The following MAGI1 variants were observed in gnomAD, a reference collection of about 807,000 sequenced individuals.
The protein encoded by MAGI1 is membrane associated guanylate kinase, WW and PDZ domain containing 1.
A neutral mutation model predicts 139.9 loss-of-function variants in MAGI1; 58 were observed. That is an observed-to-expected ratio of 0.41 (90% confidence interval 0.34 to 0.52). The LOEUF (loss-of-function observed/expected upper bound fraction) is 0.52. MAGI1 is among the 20% of genes least tolerant of loss of function. The probability of loss-of-function intolerance (pLI) is 0.12; values close to 1 mark genes in which losing one functional copy is unlikely to be tolerated. For missense variants in MAGI1, 1,874 were observed against 1,901.6 expected, an observed-to-expected ratio of 0.99 and a Z score of 0.27; for synonymous variants, 812 against 737.9, an observed-to-expected ratio of 1.10 and a Z score of -1.63.
intron 1 of MAGI1, among the ~76,000 whole-genome samples, chr3:66,019,038 T>C (rs2067825572): frequency 6.6e-6 from 1 of 152,226 alleles, no homozygotes; most frequent in Non-Finnish European, 1.5e-5. Context: ...CAAATGTTTA[T>C]GCTGCTCAGC....
chr3:65,658,831 A>G (rs1029210277), intron 1 of MAGI1, among the ~76,000 whole-genome samples: 4 of 152,198 alleles, frequency 2.6e-5, no homozygotes, highest in African/African-American at 9.6e-5. Flanking sequence ...AAAGCACAAT[A>G]TTGTGTCCAG....
chr3:65,688,199 A>C (rs2088234935), intron 1 of MAGI1: 1 of 771,216 alleles, frequency 1.3e-6, no homozygotes, highest in Non-Finnish European at 2.3e-6. Context: ...GAGTACACAC[A>C]GTCATGACCC....
chr3:65,479,901 C>G (rs1376144921), intron 3 of MAGI1, among the ~76,000 whole-genome samples: 1 of 151,988 alleles, frequency 6.6e-6, no homozygotes, highest in Non-Finnish European at 1.5e-5. Context: ...TATTCAGCGG[C>G]TACATAATAA....
In MAGI1 at chr3:65,448,031, T is replaced by G; in HGVS notation, c.1069A>C (p.Ser357Arg). 2 of 1,614,118 alleles carry G rather than the reference T, an allele frequency of 1.2e-6. No homozygotes were observed. The highest frequency in any genetic ancestry group is 2.2e-5 in the South Asian group (2 of 91,084). The part of the protein sequence containing the change: ...DEGVHTEELD[S>R]ELELPAGWEK... ...GGCAGGGAGGGTTTACCTAGTTCAC[T>G]GTCCAGCTCCTCGGTGTGTACCCCT... is the stretch of plus-strand genomic sequence containing the variant. The change falls in exon 7 of 23, where the codon AGT (serine) becomes CGT (arginine). Residue 357 changes from serine to arginine, a missense_variant. Physicochemically the swap from Ser to Arg is moderately radical, Grantham distance 110. Coordinates refer to ENST00000402939, the MANE Select transcript of MAGI1 (RefSeq NM_001033057.2).
intron 2 of MAGI1, among the ~76,000 whole-genome samples, chr3:65,554,096 G>A (rs2079976369): frequency 6.6e-6 from 1 of 152,024 alleles, no homozygotes; most frequent in Admixed American, 6.5e-5. Context: ...TTTAGGTATT[G>A]TAGGTAGATC....
At chr3:65,577,625 T>C (rs1221947633) in intron 2 of MAGI1, among the ~76,000 whole-genome samples, 1 of 152,146 alleles carries the variant, frequency 6.6e-6, no homozygotes, top group African/African-American at 2.4e-5. Flanking sequence ...AATATTCTAC[T>C]CTCACTAAAT....
At chr3:65,715,464 C>T (rs1019760066) in intron 1 of MAGI1, among the ~76,000 whole-genome samples, 1 of 152,128 alleles carries the variant, frequency 6.6e-6, no homozygotes, top group Non-Finnish European at 1.5e-5. Context: ...AAGCATACTG[C>T]TGGGAGTTTG....
At chr3:65,847,029 A>G (rs1481084327) in intron 1 of MAGI1, among the ~76,000 whole-genome samples, 1 of 150,574 alleles carries the variant, frequency 6.6e-6, no homozygotes, top group Non-Finnish European at 1.5e-5. Flanking sequence ...CAATTTTAGG[A>G]CAATTATTTC....
At chr3:65,605,656 G>A (rs1472189505) in intron 2 of MAGI1, among the ~76,000 whole-genome samples, 1 of 152,110 alleles carries the variant, frequency 6.6e-6, no homozygotes, top group African/African-American at 2.4e-5. Flanking sequence ...CAGCAGATAA[G>A]AGTTAATGAA....
chr3:65,672,539 T>G (rs2086926526), intron 1 of MAGI1, among the ~76,000 whole-genome samples: 1 of 152,162 alleles, frequency 6.6e-6, no homozygotes, highest in South Asian at 2.1e-4. Context: ...TGCCTGGGGT[T>G]GTTAAAGTAA....
chr3:65,979,094 C>CT lies in MAGI1; in HGVS notation c.313+58901_313+58902insA, dbSNP rs1203989785. On this transcript the variant is annotated intron_variant, in intron 1 of 22. Transcript: ENST00000402939. ...CAAAGTTTTTTTCTTTTCTTCCCCC[C>CT]CCCCGCCACCCCCCACAGCTACTCA... is the stretch of plus-strand genomic sequence containing the variant. 1.1e-3 allele frequency among the ~76,000 whole-genome samples: 56 copies of CT among 53,056 alleles called. 1 individual carries two copies. The highest frequency in any genetic ancestry group is 0.019 in the Middle Eastern group (2 of 104). The allele number at this position is 53,056 out of a possible 152,430, so 34.8% of individuals were successfully genotyped here.
rs1559874477 is a variant in MAGI1, at chr3:65,356,545, CG to C, written c.4221del (p.Glu1408SerfsTer27). ...KSTDRRRARS[P>X]ERRRERSLDK... The stretch of plus-strand genomic sequence containing the variant: ...TCCAGGGACCGCTCTCTCCTGCGCT[CG>C]GGGGAGCGTGCGCGCCTCCGGTCGG... On this transcript the variant is annotated frameshift_variant, in exon 23 of 23. Transcript: ENST00000402939. LOFTEE classifies it low-confidence loss of function (END_TRUNC). 1.9e-6 allele frequency: 3 copies of C among 1,609,388 alleles called. No individual in the cohort carries two copies.
intron 1 of MAGI1, among the ~76,000 whole-genome samples, chr3:65,681,427 G>A (rs977831280): frequency 1.3e-5 from 2 of 152,144 alleles, no homozygotes; most frequent in Non-Finnish European, 2.9e-5. Context: ...ATTTTAGAAC[G>A]TGAGTTATAT....
intron 1 of MAGI1, among the ~76,000 whole-genome samples, chr3:65,716,937 A>G (rs1177128520): frequency 6.6e-6 from 1 of 152,228 alleles, no homozygotes; most frequent in Non-Finnish European, 1.5e-5. Context: ...TGAATGTTGT[A>G]GGCAGAATAA....
At chr3:65,673,190 G>C (rs2086973040) in intron 1 of MAGI1, among the ~76,000 whole-genome samples, 1 of 152,032 alleles carries the variant, frequency 6.6e-6, no homozygotes, top group Admixed American at 6.5e-5. Flanking sequence ...TACTCTAAGT[G>C]GTGTAGTGCA....
Position 65,824,013 on chromosome 3 carries a change from G to GA in MAGI1, c.314-201926dup, listed in dbSNP as rs368932566. 2.7e-3 allele frequency among the ~76,000 whole-genome samples: 414 copies of GA among 152,284 alleles called. 1 individual carries two copies. The highest frequency in any genetic ancestry group is 9.3e-3 in the African/African-American group (388 of 41,570). On this transcript the variant is annotated intron_variant, in intron 1 of 22. Transcript: ENST00000402939. ...TCTGTGTCCTCACTGATAAAATGAA[G>GA]AATCTTTTAAAATCTATTTCCTAGA...
intron 1 of MAGI1, among the ~76,000 whole-genome samples, chr3:65,731,296 C>T (rs2034162658): frequency 6.6e-6 from 1 of 152,062 alleles, no homozygotes; most frequent in African/African-American, 2.4e-5. Context: ...GCTAAAAACA[C>T]CATCACACAG....
chr3:65,858,971 G>A (rs1049390890), intron 1 of MAGI1, among the ~76,000 whole-genome samples: 6 of 152,104 alleles, frequency 3.9e-5, no homozygotes, highest in Non-Finnish European at 8.8e-5. Context: ...AGAAAGGGAG[G>A]GATGAGAAGA....
At chr3:65,895,237 C>T (rs958349646) in intron 1 of MAGI1, among the ~76,000 whole-genome samples, 44 of 152,320 alleles carry the variant, frequency 2.9e-4, no homozygotes, top group African/African-American at 1.0e-3. Flanking sequence ...TGGGCAGTGT[C>T]AGCACTTGTT....
Sources: gnomAD v4.1 joint callset for allele counts (sites outside exome capture counted in the v4.1 genomes callset) on GRCh38, gnomAD v4.1.1 for gene constraint, MANE v1.5 for transcripts, NCBI Gene and HGNC (gene_info 2026-07-23, HGNC 2026-07-21) for gene names.